The following MPP7 variants were observed in gnomAD, a reference collection of about 807,000 sequenced individuals.
MPP7 encodes the protein MAGUK p55 subfamily member 7.
Under a neutral mutation model 76.5 loss-of-function variants are expected in MPP7, and 60 were observed. The observed-to-expected ratio is 0.78, with a 90% CI of 0.64 to 0.97. The LOEUF is 0.97. Ranked by LOEUF, MPP7 falls within the 50% of genes least tolerant of loss-of-function variation. MPP7 has a pLI of 0.00. For synonymous variants in MPP7, 237 were observed against 244.5 expected, an observed-to-expected ratio of 0.97 and a Z score of 0.29; for missense variants, 641 against 694.0, an observed-to-expected ratio of 0.92 and a Z score of 0.86.
chr10:28,202,354 G>A (rs1470270615), intron 2 of MPP7, 83 bp from the exon 3 acceptor site: 3 of 864,994 alleles, frequency 3.5e-6, no homozygotes, highest in Non-Finnish European at 5.5e-6. Flanking sequence ...ATGACAGCTG[G>A]AACATGCCAA....
chr10:28,091,173 T>TTA (rs991468711), intron 11 of MPP7, among the ~76,000 whole-genome samples: 6 of 151,952 alleles, frequency 3.9e-5, no homozygotes, highest in South Asian at 2.1e-4. Context: ...AAAAAAACCC[T>TTA]TATATATATT....
chr10:28,140,362 A>G (rs985043507), intron 5 of MPP7, among the ~76,000 whole-genome samples: 3 of 152,036 alleles, frequency 2.0e-5, no homozygotes, highest in Non-Finnish European at 4.4e-5. Context: ...AAACACAAAA[A>G]TTAGCCAGGC....
intron 1 of MPP7, among the ~76,000 whole-genome samples, chr10:28,331,158 AT>A (rs1834466834): frequency 6.6e-6 from 1 of 152,170 alleles, no homozygotes; most frequent in Admixed American, 6.6e-5. Context: ...CTCAACAAAT[AT>A]TTGATGAATT....
chr10:28,270,786 T>G (rs1840303355), intron 1 of MPP7, among the ~76,000 whole-genome samples: 1 of 152,230 alleles, frequency 6.6e-6, no homozygotes, highest in African/African-American at 2.4e-5. Context: ...CTGTAATGCC[T>G]AGGCTGCTGT....
intron 2 of MPP7, among the ~76,000 whole-genome samples, chr10:28,234,045 A>G (rs1838985947): frequency 6.6e-6 from 1 of 152,208 alleles, no homozygotes; most frequent in African/African-American, 2.4e-5. Flanking sequence ...GCGATAAGCA[A>G]ACCTATTGCC....
At chr10:28,265,261 T>C (rs896952939) in intron 1 of MPP7, among the ~76,000 whole-genome samples, 4 of 152,208 alleles carry the variant, frequency 2.6e-5, no homozygotes, top group African/African-American at 9.6e-5. Flanking sequence ...GCTCAGCTCA[T>C]ATCAAAATGC....
chr10:28,212,461 T>C lies in MPP7; in HGVS notation c.38-10190A>G, dbSNP rs541561693. Among the ~76,000 whole-genome samples the C allele has an allele frequency of 5.9e-5, 9 of 152,338 alleles. No homozygotes were observed. The South Asian group carries it at 6.2e-4, about 11-fold the overall frequency. ...AGACATACTGAATTTGGAATGTCGA[T>C]TGGATACCAGTGGAGATGCAGTGGG... is the stretch of plus-strand genomic sequence containing the variant. On this transcript the variant is annotated intron_variant, in intron 2 of 16. Coordinates refer to ENST00000683449, the MANE Select transcript of MPP7 (RefSeq NM_001318170.2).
intron 3 of MPP7, among the ~76,000 whole-genome samples, chr10:28,150,534 C>T (rs1835850095): frequency 6.6e-6 from 1 of 152,206 alleles, no homozygotes; most frequent in Admixed American, 6.5e-5. Flanking sequence ...AGGGAAGGAG[C>T]TGGCACTATT....
chr10:28,126,509 T>C (rs377745845), intron 6 of MPP7, among the ~76,000 whole-genome samples: 1 of 152,234 alleles, frequency 6.6e-6, no homozygotes, highest in South Asian at 2.1e-4. Context: ...TAAGATCAGA[T>C]AACTAGTATA....
intron 6 of MPP7, among the ~76,000 whole-genome samples, chr10:28,126,174 A>AT (rs2133649491): frequency 6.6e-6 from 1 of 152,330 alleles, no homozygotes; most frequent in Admixed American, 6.5e-5. Flanking sequence ...AGTGACAGGC[A>AT]TTTTACGGCA....
At chr10:28,164,239 G>C (rs925685866) in intron 3 of MPP7, among the ~76,000 whole-genome samples, 1 of 152,162 alleles carries the variant, frequency 6.6e-6, no homozygotes, top group East Asian at 1.9e-4. Flanking sequence ...GGGTGGAGGA[G>C]AGGCCCAGGA....
intron 6 of MPP7, among the ~76,000 whole-genome samples, chr10:28,126,383 A>G (rs1168166299): frequency 6.6e-6 from 1 of 152,238 alleles, no homozygotes; most frequent in African/African-American, 2.4e-5. Flanking sequence ...TTCCTTAATG[A>G]CATGTCTCAA....
intron 2 of MPP7, among the ~76,000 whole-genome samples, chr10:28,203,496 T>TGAA (rs746836443): frequency 7.7e-6 from 1 of 129,872 alleles, no homozygotes; most frequent in Non-Finnish European, 1.7e-5. Context: ...AAACAGTCTT[T>TGAA]AAAAAAAAAA....
chr10:28,204,655 T>G (rs1263592605), intron 2 of MPP7, among the ~76,000 whole-genome samples: 1 of 152,082 alleles, frequency 6.6e-6, no homozygotes, highest in African/African-American at 2.4e-5. Context: ...AATCTACAAT[T>G]ATCTCAAAAT....
chr10:28,080,820 C>A (rs1371613268), intron 12 of MPP7, among the ~76,000 whole-genome samples: 1 of 152,228 alleles, frequency 6.6e-6, no homozygotes, highest in East Asian at 1.9e-4. Context: ...TTCATTATGA[C>A]TTTCAGTTTT....
chr10:28,318,843 C>T (rs1834342619), intron 2 of MPP7, among the ~76,000 whole-genome samples: 1 of 152,154 alleles, frequency 6.6e-6, no homozygotes, highest in Non-Finnish European at 1.5e-5. Context: ...TGTAGACAAG[C>T]AGTGTGTGTT....
chr10:28,111,909 A>T (rs1227623322), intron 11 of MPP7, among the ~76,000 whole-genome samples: 2 of 152,188 alleles, frequency 1.3e-5, no homozygotes, highest in Non-Finnish European at 2.9e-5. Context: ...CTCAGAGCAA[A>T]TAGGAGTGAT....
chr10:28,287,566 G>A (rs919034456), intron 1 of MPP7, among the ~76,000 whole-genome samples: 1 of 151,920 alleles, frequency 6.6e-6, no homozygotes, highest in African/African-American at 2.4e-5. Flanking sequence ...ACTGGCTCAT[G>A]GAAATAAATG....
chr10:28,259,512 G>A (rs550325173), intron 1 of MPP7, among the ~76,000 whole-genome samples: 1 of 149,788 alleles, frequency 6.7e-6, no homozygotes, highest in South Asian at 2.1e-4. Flanking sequence ...CCCAGGAGGT[G>A]GGACTGAACC....
Sources: gnomAD v4.1 joint callset for allele counts (sites outside exome capture counted in the v4.1 genomes callset) on GRCh38, gnomAD v4.1.1 for gene constraint, MANE v1.5 for transcripts, NCBI Gene and HGNC (gene_info 2026-07-23, HGNC 2026-07-21) for gene names.